KAZN: variants seen among roughly 807,000 people sequenced by gnomAD.
The protein encoded by KAZN is kazrin, periplakin interacting protein.
In KAZN, 40 loss-of-function variants were observed where a neutral mutation model predicts 87.4. The ratio of observed to expected loss-of-function variants is 0.46; its 90% CI spans 0.36 to 0.60. The LOEUF is 0.60. KAZN is among the 20% of genes least tolerant of loss of function. The pLI, the probability that KAZN is intolerant of heterozygous loss-of-function variation, is 0.00. For missense variants in KAZN, 898 were observed against 1,073.9 expected (o/e 0.84, Z 2.29); for synonymous variants, 466 against 458.3 (o/e 1.02, Z -0.22).
rs75549277 is a variant in KAZN at position 14,920,110 on chromosome 1, C to T, written c.227-40574C>T. On this transcript the variant is annotated intron_variant, in intron 1 of 14. Coordinates refer to ENST00000376030, the MANE Select transcript of KAZN (RefSeq NM_201628.3). ...GTGGGCTCAAATATTCAACTTTAAG[C>T]AGACACCAAACATAATGGGGTCTCT... is the stretch of plus-strand genomic sequence containing the variant. Among the ~76,000 whole-genome samples the T allele has an allele frequency of 2.9e-3, 435 of 152,120 alleles. 11 individuals are homozygous for T. In the East Asian group the frequency reaches 0.047, roughly 16 times the overall value.
At chr1:15,054,173 G>A (rs1573202068) in intron 4 of KAZN, among the ~76,000 whole-genome samples, 2 of 152,204 alleles carry the variant, frequency 1.3e-5, no homozygotes, top group Admixed American at 1.3e-4. Flanking sequence ...GAAAGGTTGT[G>A]GAGAGATTAG....
chr1:14,889,302 T>C (rs1654451338), intron 1 of KAZN, among the ~76,000 whole-genome samples: 1 of 152,216 alleles, frequency 6.6e-6, no homozygotes, highest in Non-Finnish European at 1.5e-5. Flanking sequence ...GCTTGGAGTT[T>C]ATAATTATTA....
intron 2 of KAZN, among the ~76,000 whole-genome samples, chr1:15,003,768 C>G (rs1177452165): frequency 6.6e-6 from 1 of 152,128 alleles, no homozygotes; most frequent in East Asian, 1.9e-4. Flanking sequence ...CTCTTACCCC[C>G]ACTCCCTGCA....
chr1:13,899,706 C>T (rs1639175295), intron 1 of KAZN, among the ~76,000 whole-genome samples: 3 of 146,446 alleles, frequency 2.0e-5, no homozygotes, highest in African/African-American at 2.5e-5. Flanking sequence ...TGCAGTGGTG[C>T]GATCTCAGCT....
intron 1 of KAZN, among the ~76,000 whole-genome samples, chr1:14,798,862 G>A (rs1255813411): frequency 6.6e-6 from 1 of 151,944 alleles, no homozygotes; most frequent in Non-Finnish European, 1.5e-5. Flanking sequence ...CCGGGCTCAA[G>A]CCATCCTCCC....
chr1:14,629,951 G>A (rs777340535), intron 1 of KAZN, among the ~76,000 whole-genome samples: 33 of 98,458 alleles, frequency 3.4e-4, no homozygotes, highest in Non-Finnish European at 5.6e-4. Context: ...CCCCTGCCAC[G>A]CCGCCCCCAA....
chr1:14,315,319 AC>A (rs372674800), intron 2 of KAZN, among the ~76,000 whole-genome samples: 11 of 152,250 alleles, frequency 7.2e-5, no homozygotes, highest in African/African-American at 2.6e-4. Flanking sequence ...TACATACAGA[AC>A]TAAACAGTGA....
chr1:14,498,304 C>T (rs534067452), intron 2 of KAZN, among the ~76,000 whole-genome samples: 1 of 152,342 alleles, frequency 6.6e-6, no homozygotes, highest in African/African-American at 2.4e-5. Context: ...ACTGCAGACC[C>T]TTTCTCCAGC....
At chr1:14,236,174 C>T (rs1290721366) in intron 2 of KAZN, among the ~76,000 whole-genome samples, 1 of 152,184 alleles carries the variant, frequency 6.6e-6, no homozygotes, top group African/African-American at 2.4e-5. Context: ...ATTTTCCTCT[C>T]CCACCCTGGG....
intron 2 of KAZN, among the ~76,000 whole-genome samples, chr1:14,401,715 A>C (rs983215122): frequency 1.3e-4 from 20 of 152,156 alleles, no homozygotes; most frequent in African/African-American, 4.8e-4. Context: ...AAAAATGTAA[A>C]AATAAATCTA....
intron 2 of KAZN, among the ~76,000 whole-genome samples, chr1:14,190,956 C>G (rs72865720): frequency 0.022 from 3,349 of 152,264 alleles, 129 homozygotes; most frequent in African/African-American, 0.076. Context: ...GTCTGACTTA[C>G]TAAGACCTAT....
intron 2 of KAZN, among the ~76,000 whole-genome samples, chr1:15,008,382 G>A (rs886413053): frequency 2.6e-5 from 4 of 152,190 alleles, no homozygotes; most frequent in African/African-American, 7.2e-5. Context: ...GCTGCTCACT[G>A]GCAGGCTGAC....
chr1:14,717,562 C>A (rs1032992879), intron 1 of KAZN, among the ~76,000 whole-genome samples: 1 of 152,176 alleles, frequency 6.6e-6, no homozygotes, highest in African/African-American at 2.4e-5. Flanking sequence ...CATAGAAGAA[C>A]ACGCCCATTG....
intron 1 of KAZN, among the ~76,000 whole-genome samples, chr1:14,104,469 C>T (rs1211485057): frequency 1.3e-5 from 2 of 152,166 alleles, no homozygotes; most frequent in African/African-American, 2.4e-5. Context: ...AGAGCACCCC[C>T]TTGCTCCTGT....
intron 11 of KAZN, 90 bp from the exon 12 acceptor site, chr1:15,103,269 G>T: frequency 1.1e-6 from 1 of 903,234 alleles, no homozygotes. Context: ...TCTGTCTCGG[G>T]GGGAAAAAGA....
chr1:14,883,355 AAAAGAAAGAAAGAAAG>A lies in KAZN; in HGVS notation c.227-77273_227-77258del, dbSNP rs1244741160. ...GAGAGAGAGAGAGAAAGAAAGAAAGAAAAGAAAGAAAGAAAGAAAGAAAGAAAGAAAGAAAGAAAGA... is the reference window on the plus strand; with the variant it reads ...GAGAGAGAGAGAGAAAGAAAGAAAGAAAAGAAAGAAAGAAAGAAAGAAAGA... On this transcript the variant is annotated intron_variant, in intron 1 of 14. Coordinates refer to ENST00000376030, the MANE Select transcript of KAZN (RefSeq NM_201628.3). Among the ~76,000 whole-genome samples, 60 of 20,620 alleles carry A rather than the reference AAAAGAAAGAAAGAAAG, an allele frequency of 2.9e-3. 7 individuals carry two copies. The highest frequency in any genetic ancestry group is 8.0e-3 in the Admixed American group (12 of 1,498). The allele number at this position is 20,620 out of a possible 152,430, so 13.5% of individuals were successfully genotyped here. A position where few individuals can be genotyped will look rare whatever the true frequency, so the allele number is the denominator to read the frequency against.
intron 2 of KAZN, among the ~76,000 whole-genome samples, chr1:14,419,147 C>T (rs1179274049): frequency 6.6e-6 from 1 of 152,154 alleles, no homozygotes; most frequent in African/African-American, 2.4e-5. Context: ...ACTTCTATGC[C>T]AGCATAAACC....
chr1:14,422,947 G>A (rs1358767837), intron 2 of KAZN, among the ~76,000 whole-genome samples: 1 of 152,194 alleles, frequency 6.6e-6, no homozygotes, highest in Non-Finnish European at 1.5e-5. Context: ...AGGCTTCTTT[G>A]CCTAAGGGCT....
At chr1:13,911,376 T>A (rs928298497) in intron 1 of KAZN, among the ~76,000 whole-genome samples, 6 of 152,118 alleles carry the variant, frequency 3.9e-5, no homozygotes, top group African/African-American at 1.2e-4. Flanking sequence ...AACAACCAGA[T>A]CTTGGAGAAC....
Sources: allele counts gnomAD v4.1 joint callset (sites outside exome capture counted in the v4.1 genomes callset), GRCh38; gene constraint gnomAD v4.1.1; transcripts MANE v1.5; gene names NCBI Gene and HGNC (gene_info 2026-07-23, HGNC 2026-07-21).